The following MAN2A1 variants were observed in gnomAD, a reference collection of about 807,000 sequenced individuals.
The protein encoded by MAN2A1 is alpha-mannosidase 2.
In MAN2A1, 76 loss-of-function variants were observed where a neutral mutation model predicts 142.6. The ratio of observed to expected loss-of-function variants is 0.53; its 90% CI spans 0.44 to 0.65. The LOEUF (loss-of-function observed/expected upper bound fraction) is 0.65, where lower values mean the gene tolerates loss of function less well. MAN2A1 is among the 30% of genes least tolerant of loss of function. MAN2A1 has a pLI of 0.00. For missense variants in MAN2A1, 1,311 were observed against 1,365.1 expected, an observed-to-expected ratio of 0.96 and a Z score of 0.62; for synonymous variants, 559 against 473.2, an observed-to-expected ratio of 1.18 and a Z score of -2.35.
intron 8 of MAN2A1, among the ~76,000 whole-genome samples, chr5:109,780,669 C>T (rs565699600): frequency 6.6e-6 from 1 of 152,030 alleles, no homozygotes; most frequent in Non-Finnish European, 1.5e-5. Flanking sequence ...GATTTGGTAT[C>T]GTGTTTCTTT....
chr5:109,739,460 A>T (rs1752203165), intron 4 of MAN2A1, among the ~76,000 whole-genome samples: 1 of 151,648 alleles, frequency 6.6e-6, no homozygotes, highest in African/African-American at 2.4e-5. Context: ...AATTTGTTGT[A>T]TTTACTGTGT....
intron 12 of MAN2A1, among the ~76,000 whole-genome samples, chr5:109,796,250 T>G (rs946010502): frequency 2.0e-5 from 3 of 152,156 alleles, no homozygotes; most frequent in African/African-American, 7.2e-5. Context: ...TTGCTATACT[T>G]TAGAGAAACC....
At chr5:109,817,187 T>TATGTATATGTATATCTAC in intron 12 of MAN2A1, 86 bp from the exon 13 acceptor site, 2 of 1,094,072 alleles carry the variant, frequency 1.8e-6, no homozygotes, top group Non-Finnish European at 2.7e-6. Context: ...TGTATATGTA[T>TATGTATATGTATATCTAC]ATGTATATGT....
intron 4 of MAN2A1, among the ~76,000 whole-genome samples, chr5:109,749,354 G>C (rs968231649): frequency 6.6e-6 from 1 of 152,162 alleles, no homozygotes. Flanking sequence ...GGTAAAATGC[G>C]GAATGACAGA....
At chr5:109,793,543 G>C (rs150611661) in intron 12 of MAN2A1, among the ~76,000 whole-genome samples, 1 of 152,082 alleles carries the variant, frequency 6.6e-6, no homozygotes, top group African/African-American at 2.4e-5. Context: ...ATTCTCCTCA[G>C]GTGGTTCTTT....
At chr5:109,820,065 G>T (rs1013117582) in intron 14 of MAN2A1, among the ~76,000 whole-genome samples, 155 bp from the exon 15 acceptor site, 28 of 152,222 alleles carry the variant, frequency 1.8e-4, no homozygotes, top group African/African-American at 6.5e-4. Context: ...CACATGTATA[G>T]TCTGTGGGTG....
At chr5:109,703,037 T>G (rs1374022392) in intron 1 of MAN2A1, among the ~76,000 whole-genome samples, 2 of 152,188 alleles carry the variant, frequency 1.3e-5, no homozygotes, top group East Asian at 1.9e-4. Flanking sequence ...AGGAGATGAT[T>G]AGTATAAATA....
Position 109,690,210 on chromosome 5 carries a change from A to T in MAN2A1, c.-208A>T, listed in dbSNP as rs767179253. On this transcript the variant is annotated 5_prime_UTR_variant, in exon 1 of 22. Coordinates refer to ENST00000261483, the MANE Select transcript of MAN2A1 (RefSeq NM_002372.4). ...TCGAGAGGGGCGCCCGACCCCGGGG[A>T]GGGCGGCAGGCCAGGGCGAAGGCCA... 5 of 532,406 alleles carry T rather than the reference A, an allele frequency of 9.4e-6. No individual in the cohort carries two copies. Among genetic ancestry groups the T allele is most frequent in the Non-Finnish European group, 1.7e-5 (5 of 297,224 alleles). The allele number at this position is 532,406 out of a possible 1,614,324, so 33.0% of individuals were successfully genotyped here.
chr5:109,765,408 A>G (rs1752963094), intron 5 of MAN2A1, among the ~76,000 whole-genome samples: 1 of 152,098 alleles, frequency 6.6e-6, no homozygotes, highest in Non-Finnish European at 1.5e-5. Context: ...GTCTAGTTAC[A>G]ATATCACTGC....
chr5:109,835,258 G>A (rs1276231542), intron 16 of MAN2A1, among the ~76,000 whole-genome samples: 1 of 152,132 alleles, frequency 6.6e-6, no homozygotes, highest in Non-Finnish European at 1.5e-5. Flanking sequence ...TTCAAAATCA[G>A]AAGCCCTAGT....
chr5:109,812,324 A>G (rs1754342012), intron 12 of MAN2A1, among the ~76,000 whole-genome samples: 1 of 152,052 alleles, frequency 6.6e-6, no homozygotes, highest in Non-Finnish European at 1.5e-5. Flanking sequence ...CACAATTGTG[A>G]TTTTTGAAGA....
At chr5:109,860,355 AGGACT>A (rs1755724410) in intron 20 of MAN2A1, among the ~76,000 whole-genome samples, 1 of 152,196 alleles carries the variant, frequency 6.6e-6, no homozygotes, top group African/African-American at 2.4e-5. Context: ...ATACCATCTT[AGGACT>A]TATAATGAAG....
intron 16 of MAN2A1, among the ~76,000 whole-genome samples, chr5:109,840,888 T>A (rs1755186336): frequency 6.6e-6 from 1 of 152,200 alleles, no homozygotes; most frequent in Admixed American, 6.5e-5. Context: ...TTACACTCTT[T>A]CCCACAAACC....
At chr5:109,780,927 G>A (rs1351399938) in intron 8 of MAN2A1, among the ~76,000 whole-genome samples, 1 of 151,980 alleles carries the variant, frequency 6.6e-6, no homozygotes, top group East Asian at 1.9e-4. Flanking sequence ...GATAGAGGAG[G>A]GTATGATATA....
At chr5:109,691,972 C>T (rs73217310) in intron 1 of MAN2A1, among the ~76,000 whole-genome samples, 5,689 of 152,142 alleles carry the variant, frequency 0.037, 325 homozygotes, top group African/African-American at 0.13. Flanking sequence ...ATTTTTTTCC[C>T]TCCAGTAACC....
At chr5:109,721,054 CTT>C (rs1751589159) in intron 3 of MAN2A1, among the ~76,000 whole-genome samples, 1 of 151,814 alleles carries the variant, frequency 6.6e-6, no homozygotes, top group Admixed American at 6.6e-5. Flanking sequence ...AGTTGCAGGT[CTT>C]TGTTATTTTT....
At chr5:109,791,575 C>T (rs1753738537) in intron 12 of MAN2A1, among the ~76,000 whole-genome samples, 1 of 151,838 alleles carries the variant, frequency 6.6e-6, no homozygotes, top group Non-Finnish European at 1.5e-5. Context: ...GTTATAAACA[C>T]AGTTCCTGTT....
chr5:109,821,923 G>A (rs1473237401), intron 15 of MAN2A1, among the ~76,000 whole-genome samples: 1 of 151,694 alleles, frequency 6.6e-6, no homozygotes, highest in Admixed American at 6.6e-5. Context: ...TTTCTGTAGA[G>A]TTTCTTCCTT....
chr5:109,711,850 T>C (rs570225403), intron 1 of MAN2A1, among the ~76,000 whole-genome samples: 3 of 152,178 alleles, frequency 2.0e-5, no homozygotes, highest in South Asian at 4.1e-4. Flanking sequence ...TGGTGACTTA[T>C]CACCCCACCC....
Sources: allele counts gnomAD v4.1 joint callset (sites outside exome capture counted in the v4.1 genomes callset), GRCh38; gene constraint gnomAD v4.1.1; transcripts MANE v1.5; gene names NCBI Gene and HGNC (gene_info 2026-07-23, HGNC 2026-07-21).